PPP1R9A: variants seen among roughly 807,000 people sequenced by gnomAD.
PPP1R9A encodes the protein neurabin-1.
PPP1R9A carries 59 observed loss-of-function variants against 141.9 expected under a neutral mutation model. That is an observed-to-expected ratio of 0.42 (90% CI 0.34 to 0.52). PPP1R9A has a LOEUF of 0.52. PPP1R9A is among the 20% of genes least tolerant of loss of function. The pLI is 0.10. For missense variants in PPP1R9A, 1,444 were observed against 1,611.9 expected (o/e 0.90, Z 1.78); for synonymous variants, 500 against 569.7 (o/e 0.88, Z 1.74).
chr7:94,930,108 C>T (rs920360823), intron 2 of PPP1R9A, among the ~76,000 whole-genome samples: 1 of 151,960 alleles, frequency 6.6e-6, no homozygotes, highest in Admixed American at 6.6e-5. Context: ...CTCATAGGGG[C>T]CTTAGAGCCA....
chr7:95,187,393 G>A (rs188173597), intron 5 of PPP1R9A, among the ~76,000 whole-genome samples: 297 of 151,880 alleles, frequency 2.0e-3, no homozygotes, highest in Non-Finnish European at 3.5e-3. Context: ...GAGCTTATTC[G>A]GATATTTTCT....
intron 5 of PPP1R9A, among the ~76,000 whole-genome samples, chr7:95,165,245 A>G (rs1348806908): frequency 1.3e-5 from 2 of 152,218 alleles, no homozygotes; most frequent in Non-Finnish European, 2.9e-5. Flanking sequence ...GATAATTTGA[A>G]TATGAAAGTA....
At chr7:95,182,140 A>T (rs1020562725) in intron 5 of PPP1R9A, among the ~76,000 whole-genome samples, 2 of 151,830 alleles carry the variant, frequency 1.3e-5, no homozygotes, top group African/African-American at 2.4e-5. Flanking sequence ...CATGTAACCA[A>T]ACACCACCTG....
At chr7:95,281,870 A>G (rs2153074406) in intron 16 of PPP1R9A, among the ~76,000 whole-genome samples, 1 of 152,294 alleles carries the variant, frequency 6.6e-6, no homozygotes, top group East Asian at 1.9e-4. Flanking sequence ...TTGTGGATGA[A>G]CTCATTTAAA....
chr7:95,042,536 C>T (rs1388466876), intron 2 of PPP1R9A, among the ~76,000 whole-genome samples: 1 of 152,048 alleles, frequency 6.6e-6, no homozygotes, highest in Non-Finnish European at 1.5e-5. Flanking sequence ...ATTTATGATG[C>T]CTTGAAAAAT....
chr7:94,946,555 A>G (rs1001233728), intron 2 of PPP1R9A, among the ~76,000 whole-genome samples: 1 of 152,128 alleles, frequency 6.6e-6, no homozygotes, highest in African/African-American at 2.4e-5. Flanking sequence ...AAATTCATTA[A>G]TACTCATTTG....
intron 2 of PPP1R9A, among the ~76,000 whole-genome samples, chr7:95,079,364 A>C (rs957642463): frequency 1.3e-5 from 2 of 152,176 alleles, no homozygotes; most frequent in African/African-American, 4.8e-5. Context: ...TACCAGTACC[A>C]TGCTGTTTTG....
At chr7:95,234,252 T>C (rs1422600768) in intron 8 of PPP1R9A, among the ~76,000 whole-genome samples, 1 of 152,162 alleles carries the variant, frequency 6.6e-6, no homozygotes, top group African/African-American at 2.4e-5. Context: ...TGTTTGCTGT[T>C]GATATGATTG....
chr7:95,119,788 G>A (rs1316637301), intron 3 of PPP1R9A, among the ~76,000 whole-genome samples: 3 of 151,854 alleles, frequency 2.0e-5, no homozygotes, highest in African/African-American at 7.3e-5. Context: ...GCAGTAAAGA[G>A]AAGTAGGTAT....
intron 8 of PPP1R9A, among the ~76,000 whole-genome samples, chr7:95,231,351 A>G (rs769051615): frequency 9.2e-5 from 14 of 152,198 alleles, no homozygotes; most frequent in Admixed American, 1.3e-4. Context: ...CAAGACAGAA[A>G]GTCAACAAAG....
intron 12 of PPP1R9A, among the ~76,000 whole-genome samples, chr7:95,253,375 T>C (rs1020778219): frequency 6.6e-6 from 1 of 152,242 alleles, no homozygotes; most frequent in Non-Finnish European, 1.5e-5. Flanking sequence ...CATGAACTTT[T>C]AGAACTAAGC....
At chr7:95,014,196 T>C (rs964233475) in intron 2 of PPP1R9A, among the ~76,000 whole-genome samples, 1 of 152,204 alleles carries the variant, frequency 6.6e-6, no homozygotes, top group Admixed American at 6.5e-5. Flanking sequence ...GGCCCAGTAA[T>C]GTCCTTTATG....
intron 7 of PPP1R9A, among the ~76,000 whole-genome samples, chr7:95,224,476 C>T (rs575672494): frequency 5.3e-5 from 8 of 152,180 alleles, no homozygotes; most frequent in Non-Finnish European, 1.0e-4. Context: ...CTTCAAATTC[C>T]TTACTAGAAA....
At position 95,286,285 on chromosome 7, in the gene PPP1R9A, C is replaced by T; in HGVS notation, c.3689C>T (p.Thr1230Ile). The change falls in exon 18 of 20, where the codon ACA becomes ATA. Residue 1230 changes from threonine to isoleucine, a missense_variant. Thr to Ile is a moderately conservative substitution (Grantham distance 89). This residue lies in a region of PPP1R9A where 459 missense variants were observed against 513.8 expected (regional missense o/e 0.89). Coordinates refer to ENST00000433360, the MANE Select transcript of PPP1R9A (RefSeq NM_001166160.2). ...AGCGGCTTAGGAGCAGAACCTAAAA[C>T]ACCAGGGCTCTCTCAGTCCTTAGCA... ...DLSGLGAEPK[T>I]PGLSQSLALS... The T allele has an allele frequency of 2.5e-6, 4 of 1,613,640 alleles. No individual in the cohort carries two copies. Among genetic ancestry groups the T allele is most frequent in the Middle Eastern group, 1.7e-4 (1 of 6,054 alleles).
In PPP1R9A at chr7:95,290,183, A is replaced by G. The variant is rs981962729; in HGVS notation, c.4005A>G (p.Gln1335=). The change falls in exon 20 of 20, where the codon CAA becomes CAG. Residue 1335 remains glutamine, a synonymous_variant. Coordinates refer to ENST00000433360, the MANE Select transcript of PPP1R9A (RefSeq NM_001166160.2). ...KMSLEKARKA[Q]EKMEKQREKL... ...CTCTAGAGAAGGCTCGGAAGGCCCA[A>G]GAGAAAATGGAAAAACAAAGAGAAA... 1.9e-6 allele frequency: 3 copies of G among 1,613,942 alleles called. No individual in the cohort carries two copies. Among genetic ancestry groups the G allele is most frequent in the Non-Finnish European group, 2.5e-6 (3 of 1,180,014 alleles).
intron 4 of PPP1R9A, among the ~76,000 whole-genome samples, chr7:95,133,234 A>G (rs1418668892): frequency 2.6e-5 from 4 of 152,080 alleles, no homozygotes; most frequent in Non-Finnish European, 4.4e-5. Context: ...AAAGGCATCA[A>G]GGAAGTTCTC....
chr7:94,962,529 A>AT (rs1584410468), intron 2 of PPP1R9A, among the ~76,000 whole-genome samples: 1 of 152,098 alleles, frequency 6.6e-6, no homozygotes, highest in East Asian at 1.9e-4. Flanking sequence ...TCATAAAAAA[A>AT]ATCTCACTTT....
Position 95,232,640 on chromosome 7 carries a change from A to G in PPP1R9A, c.2112+6524A>G, listed in dbSNP as rs187148229. ...TCTATCCATCTGACAAAGGGCTAAT[A>G]TCCAGAATCTACAAGGAACTTAAAC... On this transcript the variant is annotated intron_variant, in intron 8 of 19. Coordinates refer to ENST00000433360, the MANE Select transcript of PPP1R9A (RefSeq NM_001166160.2). Among the ~76,000 whole-genome samples the G allele has an allele frequency of 6.3e-3, 966 of 152,338 alleles. 4 individuals are homozygous for G. Among genetic ancestry groups the G allele is most frequent in the Non-Finnish European group, 0.01 (683 of 68,030 alleles).
chr7:95,165,762 A>T (rs1831142272), intron 5 of PPP1R9A, among the ~76,000 whole-genome samples: 2 of 152,198 alleles, frequency 1.3e-5, no homozygotes, highest in Admixed American at 1.3e-4. Context: ...TATTAGTAAA[A>T]GCCAAAGAGA....
Sources: gnomAD v4.1 joint callset for allele counts (sites outside exome capture counted in the v4.1 genomes callset) on GRCh38, gnomAD v4.1.1 for gene constraint, gnomAD v4.1.1 regional missense constraint, MANE v1.5 for transcripts, NCBI Gene and HGNC (gene_info 2026-07-23, HGNC 2026-07-21) for gene names.